SMARCC1: variants seen among roughly 807,000 people sequenced by gnomAD.
The protein encoded by SMARCC1 is SWI/SNF complex subunit SMARCC1.
In SMARCC1, 43 loss-of-function variants were observed where a neutral mutation model predicts 147.4. That is an observed-to-expected ratio of 0.29 (90% CI 0.23 to 0.38). SMARCC1 has a LOEUF of 0.38. Ranked by LOEUF, SMARCC1 falls within the 10% of genes least tolerant of loss-of-function variation. The pLI, the probability that SMARCC1 is intolerant of heterozygous loss-of-function variation, is 1.00. For missense variants in SMARCC1, 1,119 were observed against 1,381.1 expected, an observed-to-expected ratio of 0.81 and a Z score of 3.01; for synonymous variants, 495 against 484.4, an observed-to-expected ratio of 1.02 and a Z score of -0.29.
chr3:47,661,780 C>T (rs11130145), intron 20 of SMARCC1, among the ~76,000 whole-genome samples: 90,187 of 151,638 alleles, frequency 0.59, 28,078 homozygotes, highest in East Asian at 0.72. Flanking sequence ...AAAACAAAAA[C>T]AGCAAGGATT....
rs1024929764 is a variant in SMARCC1 at position 47,764,142 on chromosome 3, A to G, written c.315+8675T>C. Among the ~76,000 whole-genome samples, 56 of 152,096 alleles carry G rather than the reference A, an allele frequency of 3.7e-4. 1 individual carries two copies. The highest frequency in any genetic ancestry group is 3.5e-3 in the Admixed American group (53 of 15,240). On this transcript the variant is annotated intron_variant, in intron 2 of 27. Transcript: ENST00000254480. ...AGCCTCTAACTCCTGGGATCAAGTG[A>G]TCCTCCTGGGTCAGCTCCCAAGTAG...
chr3:47,664,063 C>G, intron 19 of SMARCC1: 2 of 516,140 alleles, frequency 3.9e-6, no homozygotes, highest in Non-Finnish European at 6.7e-6. Flanking sequence ...GAGGAAGTGA[C>G]CCTTTGCGTA....
At chr3:47,720,821 T>C in intron 6 of SMARCC1, 86 bp from the exon 7 acceptor site, 1 of 1,066,988 alleles carries the variant, frequency 9.4e-7, no homozygotes, top group Non-Finnish European at 1.4e-6. Context: ...TACTAAGATG[T>C]TTTAGTTTGC....
intron 1 of SMARCC1, among the ~76,000 whole-genome samples, chr3:47,777,159 T>C (rs565282537): frequency 2.8e-4 from 43 of 151,488 alleles, no homozygotes; most frequent in African/African-American, 1.0e-3. Flanking sequence ...TCGGCTCACT[T>C]GCAGCCTCTG....
chr3:47,655,514 T>C (rs1391947203), intron 21 of SMARCC1, among the ~76,000 whole-genome samples: 1 of 151,892 alleles, frequency 6.6e-6, no homozygotes, highest in African/African-American at 2.4e-5. Flanking sequence ...CTGGCCAATA[T>C]GGTGAAACCC....
intron 26 of SMARCC1, among the ~76,000 whole-genome samples, chr3:47,609,484 G>C (rs531896250): frequency 6.7e-6 from 1 of 149,014 alleles, no homozygotes; most frequent in African/African-American, 2.5e-5. Flanking sequence ...GCGACAGAGC[G>C]AGACTCCGTC....
At chr3:47,771,730 C>T (rs1463749198) in intron 2 of SMARCC1, among the ~76,000 whole-genome samples, 1 of 151,968 alleles carries the variant, frequency 6.6e-6, no homozygotes, top group Non-Finnish European at 1.5e-5. Context: ...GGCGACAGAA[C>T]AAGACTGTAT....
chr3:47,636,545 T>C (rs12492915), intron 22 of SMARCC1, among the ~76,000 whole-genome samples: 90,558 of 152,088 alleles, frequency 0.6, 28,213 homozygotes, highest in East Asian at 0.72. Flanking sequence ...AGTCAGCAGT[T>C]TGAGATCAGC....
At chr3:47,713,447 C>T (rs913235670) in intron 8 of SMARCC1, among the ~76,000 whole-genome samples, 1 of 151,990 alleles carries the variant, frequency 6.6e-6, no homozygotes, top group Non-Finnish European at 1.5e-5. Context: ...TGTTTTGAGA[C>T]AGGGTCTTAA....
chr3:47,621,422 T>C (rs1559627462), intron 25 of SMARCC1, among the ~76,000 whole-genome samples: 1 of 151,952 alleles, frequency 6.6e-6, no homozygotes, highest in Non-Finnish European at 1.5e-5. Context: ...CCATCAATAG[T>C]GGACTGGATA....
chr3:47,728,836 G>GGGAGGT (rs1452670830), intron 6 of SMARCC1, among the ~76,000 whole-genome samples, 189 bp downstream of exon 6: 1 of 152,138 alleles, frequency 6.6e-6, no homozygotes, highest in Non-Finnish European at 1.5e-5. Context: ...TCTTGAACCC[G>GGGAGGT]GGAGGTGGAG....
At chr3:47,763,845 A>G (rs1414382798) in intron 2 of SMARCC1, among the ~76,000 whole-genome samples, 3 of 151,668 alleles carry the variant, frequency 2.0e-5, no homozygotes, top group Non-Finnish European at 4.4e-5. Context: ...CAGCCTCCCA[A>G]AGTAGCTGGG....
chr3:47,701,466 T>C, intron 10 of SMARCC1, 64 bp from the exon 11 acceptor site: 2 of 1,444,360 alleles, frequency 1.4e-6, no homozygotes. Context: ...GCAAACAGTT[T>C]CTGAGGTTGT....
intron 8 of SMARCC1, among the ~76,000 whole-genome samples, chr3:47,711,090 G>C (rs909437134): frequency 1.3e-5 from 2 of 152,152 alleles, no homozygotes; most frequent in African/African-American, 4.8e-5. Context: ...TTATGTTCAT[G>C]AAAATCACTG....
chr3:47,628,058 TA>T (rs1370736060), intron 24 of SMARCC1, among the ~76,000 whole-genome samples: 16 of 144,044 alleles, frequency 1.1e-4, no homozygotes, highest in Non-Finnish European at 2.0e-4. Flanking sequence ...TATATATATA[TA>T]TTTTTTCTTT....
intron 21 of SMARCC1, among the ~76,000 whole-genome samples, chr3:47,639,714 A>AAAAC (rs1342918591): frequency 1.8e-5 from 2 of 111,258 alleles, no homozygotes; most frequent in Non-Finnish European, 4.0e-5. Flanking sequence ...ACTACATCTC[A>AAAAC]AAACCAACCA....
intron 9 of SMARCC1, among the ~76,000 whole-genome samples, chr3:47,709,032 C>A (rs1002136583): frequency 6.6e-6 from 1 of 151,960 alleles, no homozygotes; most frequent in Non-Finnish European, 1.5e-5. Context: ...AAGCCAAGGC[C>A]GGTGGATCAA....
chr3:47,758,388 A>C (rs991189554), intron 2 of SMARCC1, among the ~76,000 whole-genome samples: 1 of 151,962 alleles, frequency 6.6e-6, no homozygotes, highest in Non-Finnish European at 1.5e-5. Flanking sequence ...CGCAAAAAAA[A>C]AAAAACAAAA....
chr3:47,731,513 T>C (rs1270077370), intron 5 of SMARCC1, among the ~76,000 whole-genome samples: 14 of 152,344 alleles, frequency 9.2e-5, no homozygotes, highest in Admixed American at 9.1e-4. Flanking sequence ...ATTTTCAATT[T>C]ACTTTGCCCA....
Sources: gnomAD v4.1 joint callset for allele counts (sites outside exome capture counted in the v4.1 genomes callset) on GRCh38, gnomAD v4.1.1 for gene constraint, MANE v1.5 for transcripts, NCBI Gene and HGNC (gene_info 2026-07-23, HGNC 2026-07-21) for gene names.